ABCA1: variants seen among roughly 807,000 people sequenced by gnomAD.
ABCA1 encodes the protein ATP binding cassette subfamily A member 1.
Under a neutral mutation model 262.5 loss-of-function variants are expected in ABCA1, and 133 were observed. The observed-to-expected ratio is 0.51, with a 90% confidence interval of 0.44 to 0.59. The LOEUF (loss-of-function observed/expected upper bound fraction) is 0.59, where lower values mean the gene tolerates loss of function less well. Among genes scored for constraint, ABCA1 ranks in the 20% least tolerant of loss-of-function variants. ABCA1 has a pLI of 0.00. For synonymous variants in ABCA1, 1,022 were observed against 1,043.5 expected (o/e 0.98, Z 0.40); for missense variants, 2,452 against 2,777.5 (o/e 0.88, Z 2.63).
At chr9:104,805,271 C>T (rs1239648770) in intron 31 of ABCA1, among the ~76,000 whole-genome samples, 1 of 152,076 alleles carries the variant, frequency 6.6e-6, no homozygotes, top group Non-Finnish European at 1.5e-5. Flanking sequence ...GACAGGGTTT[C>T]GCCACATTGG....
chr9:104,901,002 C>A (rs116034277), intron 2 of ABCA1, among the ~76,000 whole-genome samples: 1 of 152,158 alleles, frequency 6.6e-6, no homozygotes, highest in Admixed American at 6.5e-5. Context: ...TTTGGCTAAA[C>A]CTGCCTATCT....
intron 18 of ABCA1, among the ~76,000 whole-genome samples, chr9:104,824,049 G>C (rs370987476): frequency 6.6e-6 from 1 of 152,224 alleles, no homozygotes; most frequent in East Asian, 1.9e-4. Context: ...CATAGGCTGA[G>C]CTCTGTGGTA....
At chr9:104,867,501 T>C (rs1025641052) in intron 5 of ABCA1, among the ~76,000 whole-genome samples, 7 of 152,202 alleles carry the variant, frequency 4.6e-5, no homozygotes, top group Admixed American at 3.3e-4. Context: ...AGTTGAGATG[T>C]TGAATTTGTG....
intron 1 of ABCA1, among the ~76,000 whole-genome samples, chr9:104,924,247 G>A (rs1305669974): frequency 6.6e-6 from 1 of 152,156 alleles, no homozygotes; most frequent in Non-Finnish European, 1.5e-5. Flanking sequence ...TTTAACATTT[G>A]ATGCTAGAGT....
Position 104,818,765 on chromosome 9 carries a change from G to A in ABCA1, c.3360C>T (p.Asn1120=), listed in dbSNP as rs1488915551. ...CCVGSSLFLK[N]QLGTGYYLTL... ...TCAGGTAGTAGCCTGTTCCCAGCTG[G>A]TTCTTCAGAAACAGGGAGGAGCCCA... The change falls in exon 23 of 50, where the codon AAC becomes AAT. Residue 1120 remains asparagine, a synonymous_variant. Coordinates refer to ENST00000374736, the MANE Select transcript of ABCA1 (RefSeq NM_005502.4). The A allele has an allele frequency of 6.2e-7, 1 of 1,613,992 alleles. No individual in the cohort carries two copies.
In ABCA1 at chr9:104,845,540, C is replaced by G; in HGVS notation, c.750G>C (p.Pro250=). 1 of 1,613,856 alleles carries G rather than the reference C, an allele frequency of 6.2e-7. No homozygotes were observed. The highest frequency in any genetic ancestry group is 8.5e-7 in the Non-Finnish European group (1 of 1,179,848). ...TTGTGGCTTCAGCCAGCTCCTTGCT[C>G]GGGAAGGGAGATGTAGAGTTTAGTG... The part of the protein sequence containing the change: ...LRTLNSTSPF[P]SKELAEATKT... Residue 250 remains proline (P), a synonymous_variant, in exon 8 of 50, where the codon CCG becomes CCC. Transcript: ENST00000374736.
chr9:104,829,572 C>T (rs1490106485), intron 14 of ABCA1, among the ~76,000 whole-genome samples: 1 of 152,146 alleles, frequency 6.6e-6, no homozygotes, highest in African/African-American at 2.4e-5. Flanking sequence ...GTTTCAGATT[C>T]CAAGCTAGAA....
At chr9:104,851,304 T>G (rs942392639) in intron 7 of ABCA1, among the ~76,000 whole-genome samples, 2 of 152,194 alleles carry the variant, frequency 1.3e-5, no homozygotes, top group Non-Finnish European at 2.9e-5. Context: ...CTCCCTTTAC[T>G]CTGAGGATAA....
At chr9:104,824,208 G>A (rs1832622994) in intron 18 of ABCA1, among the ~76,000 whole-genome samples, 1 of 152,122 alleles carries the variant, frequency 6.6e-6, no homozygotes, top group African/African-American at 2.4e-5. Context: ...GAGGGGGCAA[G>A]TAAAAGATAC....
chr9:104,845,126 G>A (rs1834746384), intron 8 of ABCA1, among the ~76,000 whole-genome samples: 1 of 152,172 alleles, frequency 6.6e-6, no homozygotes, highest in Non-Finnish European at 1.5e-5. Context: ...GAAGCAATAT[G>A]GAGAAATTGC....
At chr9:104,896,709 ATCTTTTTTTTTTTTTTT>A (rs1840240425) in intron 2 of ABCA1, among the ~76,000 whole-genome samples, 1 of 78,274 alleles carries the variant, frequency 1.3e-5, no homozygotes, top group Non-Finnish European at 2.4e-5. Flanking sequence ...CTCCCTACAC[ATCTTTTTTTTTTTTTTT>A]TTTTTTTTTT....
chr9:104,921,995 T>C (rs10991411), intron 1 of ABCA1, among the ~76,000 whole-genome samples: 21,972 of 152,134 alleles, frequency 0.14, 2,400 homozygotes, highest in African/African-American at 0.31. Flanking sequence ...AAGAGCTTCA[T>C]GAGGAGGGAA....
At chr9:104,857,313 G>A (rs960475537) in intron 7 of ABCA1, among the ~76,000 whole-genome samples, 20 of 151,996 alleles carry the variant, frequency 1.3e-4, no homozygotes, top group African/African-American at 3.6e-4. Flanking sequence ...GCTCACTGCA[G>A]CCTCCACCTC....
At chr9:104,784,821 T>C (rs183983503) in intron 49 of ABCA1, among the ~76,000 whole-genome samples, 161 of 152,216 alleles carry the variant, frequency 1.1e-3, no homozygotes, top group African/African-American at 3.6e-3. Context: ...TTTTTGTATT[T>C]TTAGTAGAGA....
At chr9:104,917,730 G>A (rs1233340435) in intron 1 of ABCA1, among the ~76,000 whole-genome samples, 1 of 151,994 alleles carries the variant, frequency 6.6e-6, no homozygotes, top group Non-Finnish European at 1.5e-5. Context: ...CTCCAGCCTG[G>A]GCAACAGAGC....
chr9:104,856,453 C>T (rs73521841), intron 7 of ABCA1, among the ~76,000 whole-genome samples: 15,934 of 152,186 alleles, frequency 0.1, 2,825 homozygotes, highest in African/African-American at 0.36. Flanking sequence ...ATCCACAAGG[C>T]ACAACCACAA....
chr9:104,855,721 C>A, intron 7 of ABCA1: 2 of 1,541,894 alleles, frequency 1.3e-6, no homozygotes, highest in Non-Finnish European at 1.8e-6. Flanking sequence ...AATAATTTAT[C>A]CGACATCAAT....
intron 11 of ABCA1, among the ~76,000 whole-genome samples, chr9:104,836,562 G>A (rs60070164): frequency 6.6e-6 from 1 of 152,164 alleles, no homozygotes; most frequent in Non-Finnish European, 1.5e-5. Flanking sequence ...ACAGTGCCCT[G>A]AGAATGAGTA....
intron 24 of ABCA1, 65 bp from the exon 25 acceptor site, chr9:104,816,410 C>T: frequency 1.3e-6 from 2 of 1,487,680 alleles, no homozygotes; most frequent in Non-Finnish European, 1.9e-6. Context: ...GAGGGCTGGC[C>T]ATCCCCCACC....
Sources: gnomAD v4.1 joint callset for allele counts (sites outside exome capture counted in the v4.1 genomes callset) on GRCh38, gnomAD v4.1.1 for gene constraint, MANE v1.5 for transcripts, NCBI Gene and HGNC (gene_info 2026-07-23, HGNC 2026-07-21) for gene names.